TRAPPC12: variants seen among roughly 807,000 people sequenced by gnomAD.
TRAPPC12 encodes the protein TPR repeat protein 15.
In TRAPPC12, 61 loss-of-function variants were observed where a neutral mutation model predicts 69.2. That is an observed-to-expected ratio of 0.88 (90% CI 0.72 to 1.09). The LOEUF (loss-of-function observed/expected upper bound fraction) is 1.09. Among genes scored for constraint, TRAPPC12 ranks in the 50% least tolerant of loss-of-function variants. TRAPPC12 has a pLI of 0.00. For missense variants in TRAPPC12, 1,101 were observed against 1,016.4 expected (o/e 1.08, Z -1.13); for synonymous variants, 469 against 438.9 (o/e 1.07, Z -0.86).
chr2:3,412,527 C>T (rs1344221446), intron 3 of TRAPPC12, among the ~76,000 whole-genome samples: 1 of 152,332 alleles, frequency 6.6e-6, no homozygotes, highest in East Asian at 1.9e-4. Flanking sequence ...CGCCACCGCA[C>T]TCCAGCCTGG....
chr2:3,463,320 A>G (rs1475500227), intron 8 of TRAPPC12, among the ~76,000 whole-genome samples: 1 of 151,866 alleles, frequency 6.6e-6, no homozygotes, highest in African/African-American at 2.4e-5. Flanking sequence ...CCGGACACAC[A>G]GACACGTGTC....
chr2:3,458,226 A>C (rs989961191), intron 7 of TRAPPC12: 4 of 988,528 alleles, frequency 4.0e-6, no homozygotes, highest in Admixed American at 5.9e-5. Context: ...CTGCACAGTG[A>C]GGCCATGCCA....
At chr2:3,395,375 A>G (rs577479153) in intron 2 of TRAPPC12, among the ~76,000 whole-genome samples, 1 of 151,850 alleles carries the variant, frequency 6.6e-6, no homozygotes, top group Non-Finnish European at 1.5e-5. Flanking sequence ...AGAATTCTGT[A>G]AATATCCTGG....
chr2:3,448,516 A>G (rs1400621769), intron 6 of TRAPPC12, among the ~76,000 whole-genome samples: 7 of 152,016 alleles, frequency 4.6e-5, no homozygotes, highest in African/African-American at 1.7e-4. Flanking sequence ...GTGAAAAGAA[A>G]TGAGTCCAGA....
At chr2:3,439,471 A>G (rs1043242010) in intron 5 of TRAPPC12, among the ~76,000 whole-genome samples, 2 of 152,100 alleles carry the variant, frequency 1.3e-5, no homozygotes, top group Non-Finnish European at 1.5e-5. Context: ...TTTTGTAGAA[A>G]CAAAAAAAAG....
chr2:3,440,132 G>A (rs903922207), intron 5 of TRAPPC12, among the ~76,000 whole-genome samples: 6 of 152,112 alleles, frequency 3.9e-5, no homozygotes, highest in African/African-American at 1.4e-4. Context: ...GGTAGTGTCA[G>A]CCTGCCAGAT....
In TRAPPC12 at chr2:3,431,675, A is replaced by G. The variant is rs114703824; in HGVS notation, c.1417+7012A>G. 8.0e-3 allele frequency among the ~76,000 whole-genome samples: 1,223 copies of G among 152,182 alleles called. 9 individuals are homozygous for G. The highest frequency in any genetic ancestry group is 0.013 in the Non-Finnish European group (878 of 68,004). ...GGGTTTGCAGTCATGAAAAGTGTTG[A>G]TAGGGATTATATCCATGAAAATATT... On this transcript the variant is annotated intron_variant, in intron 5 of 11. Coordinates refer to ENST00000324266, the MANE Select transcript of TRAPPC12 (RefSeq NM_016030.6).
At chr2:3,427,797 G>A (rs1268599345) in intron 5 of TRAPPC12, among the ~76,000 whole-genome samples, 1 of 152,094 alleles carries the variant, frequency 6.6e-6, no homozygotes. Context: ...GGAGGCTGAG[G>A]CACGAGAATC....
chr2:3,398,789 ATGAGTC>A (rs1661263675), intron 2 of TRAPPC12, among the ~76,000 whole-genome samples: 1 of 152,212 alleles, frequency 6.6e-6, no homozygotes, highest in African/African-American at 2.4e-5. Context: ...CGACATCACG[ATGAGTC>A]CCAGATTGTG....
At chr2:3,413,031 C>A (rs925478677) in intron 3 of TRAPPC12, among the ~76,000 whole-genome samples, 2 of 152,186 alleles carry the variant, frequency 1.3e-5, no homozygotes, top group Non-Finnish European at 2.9e-5. Context: ...CCCAAAGACC[C>A]TTCCAGAAGA....
chr2:3,451,423 C>G (rs1240775611), intron 6 of TRAPPC12, among the ~76,000 whole-genome samples: 2 of 152,252 alleles, frequency 1.3e-5, no homozygotes, highest in African/African-American at 4.8e-5. Flanking sequence ...CTCCTCTTCC[C>G]TGCATTTCCA....
intron 9 of TRAPPC12, among the ~76,000 whole-genome samples, chr2:3,471,025 G>A (rs146234106): frequency 2.0e-3 from 302 of 152,198 alleles, no homozygotes; most frequent in African/African-American, 6.8e-3. Flanking sequence ...TGAAATATGC[G>A]AGCTAAAAAT....
chr2:3,436,662 C>T (rs566163363), intron 5 of TRAPPC12, among the ~76,000 whole-genome samples: 5 of 151,978 alleles, frequency 3.3e-5, no homozygotes, highest in East Asian at 1.9e-4. Flanking sequence ...AAATTAATGG[C>T]GTTGCGTGTT....
chr2:3,410,894 G>A (rs1662018411), intron 3 of TRAPPC12, among the ~76,000 whole-genome samples: 2 of 152,198 alleles, frequency 1.3e-5, no homozygotes, highest in South Asian at 4.1e-4. Flanking sequence ...GCTGGGCGTG[G>A]TGGTGCACGC....
chr2:3,423,715 C>T (rs958217757), intron 4 of TRAPPC12, among the ~76,000 whole-genome samples: 7 of 152,334 alleles, frequency 4.6e-5, no homozygotes, highest in African/African-American at 1.4e-4. Flanking sequence ...CGTCATGCCA[C>T]GTTCCTTTAT....
At chr2:3,421,728 C>T (rs755133161) in intron 3 of TRAPPC12, 153 bp from the exon 4 acceptor site, 16 of 743,652 alleles carry the variant, frequency 2.2e-5, no homozygotes, top group South Asian at 1.5e-4. Flanking sequence ...CCCTCCGTGC[C>T]GTCAGCACAC....
rs143380863 is a variant in TRAPPC12 at position 3,388,477 on chromosome 2, C to A, written c.854C>A (p.Ala285Glu). Reference sequence around the variant, plus strand: ...CCAGAGCCTTTCGCGCACATCCAGGCAGTGTTTGCAGGGAGTGACGACCCC... The same window carrying A: ...CCAGAGCCTTTCGCGCACATCCAGGAAGTGTTTGCAGGGAGTGACGACCCC... The part of the protein sequence containing the change: ...ASPEPFAHIQ[A>E]VFAGSDDPFA... Residue 285 changes from alanine (A) to glutamate (E), a missense_variant, in exon 2 of 12, where the codon GCA becomes GAA. Coordinates refer to ENST00000324266, the MANE Select transcript of TRAPPC12 (RefSeq NM_016030.6). 8.7e-6 allele frequency: 14 copies of A among 1,612,410 alleles called. No homozygotes were observed. In the East Asian group the frequency reaches 3.1e-4, roughly 36 times the overall value.
At position 3,431,202 on chromosome 2, in the gene TRAPPC12, C is replaced by T. The variant is rs118168510; in HGVS notation, c.1417+6539C>T. 1.4e-4 allele frequency among the ~76,000 whole-genome samples: 22 copies of T among 152,372 alleles called. No homozygotes were observed. The East Asian group carries it at 3.7e-3, about 25-fold the overall frequency. On this transcript the variant is annotated intron_variant, in intron 5 of 11. Coordinates refer to ENST00000324266, the MANE Select transcript of TRAPPC12 (RefSeq NM_016030.6). ...ACCTGCTGCCCTCGCCGTCTTCCAT[C>T]GAGTACAGTGGGATGCACTTAACGT... is the stretch of plus-strand genomic sequence containing the variant.
At chr2:3,442,824 C>T (rs559519540) in intron 5 of TRAPPC12, among the ~76,000 whole-genome samples, 4 of 152,292 alleles carry the variant, frequency 2.6e-5, no homozygotes, top group South Asian at 4.1e-4. Context: ...AAGTCATACG[C>T]GTGTTTTCTC....
Sources: allele counts gnomAD v4.1 joint callset (sites outside exome capture counted in the v4.1 genomes callset), GRCh38; gene constraint gnomAD v4.1.1; transcripts MANE v1.5; gene names NCBI Gene and HGNC (gene_info 2026-07-23, HGNC 2026-07-21).